The following ATP2B2 variants were observed in gnomAD, a reference collection of about 807,000 sequenced individuals.
ATP2B2 encodes ATPase plasma membrane Ca2+ transporting 2, also known as plasma membrane calcium-transporting ATPase 2.
In ATP2B2, 15 loss-of-function variants were observed where a neutral mutation model predicts 120.0. The ratio of observed to expected loss-of-function variants is 0.12; its 90% confidence interval spans 0.08 to 0.19. The LOEUF (loss-of-function observed/expected upper bound fraction) is 0.19, where lower values mean the gene tolerates loss of function less well. Ranked by LOEUF, ATP2B2 falls within the 10% of genes least tolerant of loss-of-function variation. The probability of loss-of-function intolerance (pLI) is 1.00; values close to 1 mark genes in which losing one functional copy is unlikely to be tolerated. For missense variants in ATP2B2, 1,045 were observed against 1,719.8 expected, an observed-to-expected ratio of 0.61 and a Z score of 6.94; for synonymous variants, 694 against 700.3, an observed-to-expected ratio of 0.99 and a Z score of 0.14.
chr3:10,420,438 T>C (rs1356788106), intron 2 of ATP2B2, among the ~76,000 whole-genome samples: 1 of 152,004 alleles, frequency 6.6e-6, no homozygotes, highest in East Asian at 1.9e-4. Context: ...CTTGGCTCAC[T>C]GCAACCTCCG....
chr3:10,343,048 G>C lies in ATP2B2; in HGVS notation c.2704-83C>G, dbSNP rs534290465. 8 of 1,436,514 alleles carry C rather than the reference G, an allele frequency of 5.6e-6. No homozygotes were observed. Among genetic ancestry groups the C allele is most frequent in the Non-Finnish European group, 7.8e-6 (8 of 1,032,244 alleles). 89.0% of individuals were successfully genotyped at this position (1,436,514 alleles called of 1,614,324 possible). A position where few individuals can be genotyped will look rare whatever the true frequency, so the allele number is the denominator to read the frequency against. ...TGGGCGGGCTCATGGTGTAGTGTCCGCAGGCTCCTGCTGGAGGCTGGAGTC... is the reference window on the plus strand; with the variant it reads ...TGGGCGGGCTCATGGTGTAGTGTCCCCAGGCTCCTGCTGGAGGCTGGAGTC... On this transcript the variant is annotated intron_variant, in intron 18 of 22. Transcript: ENST00000360273. The surrounding 1 kb of genome is among the most constrained non-coding windows in gnomAD (Gnocchi z 4.2).
chr3:10,611,578 T>C (rs747364964), intron 2 of ATP2B2, among the ~76,000 whole-genome samples: 3 of 152,054 alleles, frequency 2.0e-5, no homozygotes, highest in Non-Finnish European at 2.9e-5. Flanking sequence ...GGGCACTGGG[T>C]CCCTCTTTTG....
At chr3:10,496,084 G>A (rs2066135092) in intron 1 of ATP2B2, among the ~76,000 whole-genome samples, 1 of 152,208 alleles carries the variant, frequency 6.6e-6, no homozygotes, top group Admixed American at 6.5e-5. Flanking sequence ...TCTGAAATTG[G>A]CTGGGGGTGG....
At chr3:10,466,848 G>A (rs957332140) in intron 1 of ATP2B2, among the ~76,000 whole-genome samples, 1 of 152,196 alleles carries the variant, frequency 6.6e-6, no homozygotes, top group African/African-American at 2.4e-5. Flanking sequence ...GATATCAGGG[G>A]CCTGCATTGC....
At chr3:10,576,643 T>C (rs1212966937) in intron 2 of ATP2B2, among the ~76,000 whole-genome samples, 1 of 150,366 alleles carries the variant, frequency 6.7e-6, no homozygotes, top group Non-Finnish European at 1.5e-5. Context: ...GCCTCCCAAA[T>C]TGCTGGGATT....
chr3:10,540,341 C>G (rs566692999), intron 2 of ATP2B2, among the ~76,000 whole-genome samples: 1 of 152,264 alleles, frequency 6.6e-6, no homozygotes, highest in African/African-American at 2.4e-5. Flanking sequence ...ACTAGAAATA[C>G]CATTTGATTC....
intron 2 of ATP2B2, among the ~76,000 whole-genome samples, chr3:10,426,210 T>C (rs915720806): frequency 6.6e-6 from 1 of 152,188 alleles, no homozygotes; most frequent in Non-Finnish European, 1.5e-5. Context: ...CGGAATGCTC[T>C]CATAGCTCCC....
intron 2 of ATP2B2, among the ~76,000 whole-genome samples, chr3:10,554,069 G>T (rs2067728102): frequency 6.6e-6 from 1 of 151,688 alleles, no homozygotes; most frequent in South Asian, 2.1e-4. Context: ...AGGCATGAGG[G>T]CCCGGTGAGA....
chr3:10,374,446 A>C (rs1329127360), intron 11 of ATP2B2, among the ~76,000 whole-genome samples: 1 of 152,172 alleles, frequency 6.6e-6, no homozygotes, highest in Non-Finnish European at 1.5e-5. Flanking sequence ...GCCCAGCCCA[A>C]ATTCCAGCTT....
Position 10,346,008 on chromosome 3 carries a change from G to C in ATP2B2, c.2511+23C>G. 2 of 1,601,642 alleles carry C rather than the reference G, an allele frequency of 1.2e-6. No individual in the cohort carries two copies. The highest frequency in any genetic ancestry group is 8.5e-7 in the Non-Finnish European group (1 of 1,175,864). On this transcript the variant is annotated intron_variant, in intron 17 of 22. Transcript: ENST00000360273. The surrounding 1 kb of genome is among the most constrained non-coding windows in gnomAD (Gnocchi z 4.1). ...AATCTCCCCAGCCCCCACCACCCCAGGCCCTCTGTGGGCCGTTCCTACCAT... is the reference window on the plus strand; with the variant it reads ...AATCTCCCCAGCCCCCACCACCCCACGCCCTCTGTGGGCCGTTCCTACCAT...
chr3:10,624,389 A>C (rs547066844), intron 1 of ATP2B2, among the ~76,000 whole-genome samples: 15 of 152,102 alleles, frequency 9.9e-5, no homozygotes, highest in Admixed American at 6.5e-4. Context: ...GACAGGTGCT[A>C]TGTCTGGGTC....
intron 1 of ATP2B2, among the ~76,000 whole-genome samples, chr3:10,450,360 C>T (rs535860455): frequency 2.0e-5 from 3 of 152,178 alleles, no homozygotes; most frequent in East Asian, 3.9e-4. Flanking sequence ...TGTTTACACA[C>T]GCCCCATGCC....
upstream of ATP2B2, among the ~76,000 whole-genome samples, chr3:10,509,887 C>G (rs1452161865): frequency 6.6e-6 from 1 of 152,232 alleles, no homozygotes. Context: ...GGGCAAGTGA[C>G]TCGACCTCCC....
intron 2 of ATP2B2, among the ~76,000 whole-genome samples, chr3:10,563,143 T>C (rs1430686313): frequency 1.3e-5 from 2 of 152,260 alleles, no homozygotes; most frequent in Non-Finnish European, 2.9e-5. Flanking sequence ...GAGGGTTGGC[T>C]GTATGCCAGG....
At chr3:10,559,475 A>G (rs750094640) in intron 2 of ATP2B2, among the ~76,000 whole-genome samples, 6 of 152,218 alleles carry the variant, frequency 3.9e-5, no homozygotes, top group Non-Finnish European at 7.3e-5. Context: ...ACGTATGGAA[A>G]TACCACTCTG....
chr3:10,365,398 C>T (rs1432897893), intron 12 of ATP2B2, among the ~76,000 whole-genome samples: 1 of 152,216 alleles, frequency 6.6e-6, no homozygotes, highest in East Asian at 1.9e-4. Flanking sequence ...CCAGAATCAT[C>T]CTCTAAAGGC....
chr3:10,482,745 C>T (rs2065465958), intron 1 of ATP2B2, among the ~76,000 whole-genome samples: 1 of 152,252 alleles, frequency 6.6e-6, no homozygotes, highest in African/African-American at 2.4e-5. Flanking sequence ...GTGAGGAAGT[C>T]TGAATTCTGC....
chr3:10,642,147 G>T (rs1487736652), intron 1 of ATP2B2, among the ~76,000 whole-genome samples: 1 of 152,176 alleles, frequency 6.6e-6, no homozygotes, highest in Non-Finnish European at 1.5e-5. Flanking sequence ...AGTGAATCTG[G>T]CTTTGTCACT....
intron 1 of ATP2B2, among the ~76,000 whole-genome samples, chr3:10,668,395 T>C (rs1246049493): frequency 6.6e-6 from 1 of 152,214 alleles, no homozygotes; most frequent in Non-Finnish European, 1.5e-5. Flanking sequence ...AGTGAAATCC[T>C]GTGACTCTAC....
Sources: gnomAD v4.1 joint callset for allele counts (sites outside exome capture counted in the v4.1 genomes callset) on GRCh38, gnomAD v4.1.1 for gene constraint, Gnocchi (gnomAD v3.1) non-coding constraint, MANE v1.5 for transcripts, NCBI Gene and HGNC (gene_info 2026-07-23, HGNC 2026-07-21) for gene names.